Variants in CIB4 observed in about 807,000 individuals in gnomAD.
CIB4 encodes calcium and integrin-binding family member 4.
In CIB4, 25 loss-of-function variants were observed where a neutral mutation model predicts 25.8. The ratio of observed to expected loss-of-function variants is 0.97; its 90% CI spans 0.71 to 1.35. The LOEUF (loss-of-function observed/expected upper bound fraction) is 1.35, where lower values mean the gene tolerates loss of function less well. Ranked by LOEUF, CIB4 falls within the 40% of genes most tolerant of loss-of-function variation. The pLI is 0.00. For synonymous variants in CIB4, 75 were observed against 81.4 expected (o/e 0.92, Z 0.42); for missense variants, 235 against 228.2 (o/e 1.03, Z -0.19).
chr2:26,583,936 G>A (rs1485423940), intron 4 of CIB4, 38 bp from the exon 5 acceptor site: 1 of 1,363,886 alleles, frequency 7.3e-7, no homozygotes, highest in East Asian at 2.3e-5. Context: ...AGACGGAGCT[G>A]GGGGCTAAAC....
Position 26,583,864 on chromosome 2 carries a change from ATCC to A in CIB4, c.360_362del (p.Glu120del). The A allele has an allele frequency of 6.2e-7, 1 of 1,613,192 alleles. No homozygotes were observed. ...GCAGTCGCAGGATGATCCTCTGCAG[ATCC>A]TCCTCATCAATGAAGCCATTCTCAT... On this transcript the variant is annotated inframe_deletion, in exon 5 of 7. Coordinates refer to ENST00000288861, the MANE Select transcript of CIB4 (RefSeq NM_001029881.3).
At chr2:26,629,310 G>A (rs1394825965) in intron 3 of CIB4, 100 bp downstream of exon 3, 3 of 748,770 alleles carry the variant, frequency 4.0e-6, no homozygotes, top group Non-Finnish European at 6.9e-6. Context: ...CCATCCCACA[G>A]CACGGAGTGC....
chr2:26,621,949 C>T (rs1209197726), intron 3 of CIB4, among the ~76,000 whole-genome samples: 2 of 152,132 alleles, frequency 1.3e-5, no homozygotes, highest in African/African-American at 4.8e-5. Context: ...AGTACATAGA[C>T]AACTAAGCAA....
At chr2:26,641,165 C>T in intron 1 of CIB4, 96 bp downstream of exon 1, 1 of 1,056,704 alleles carries the variant, frequency 9.5e-7, no homozygotes, top group Non-Finnish European at 1.5e-6. Context: ...AAATTGGACA[C>T]CCCTGCTAGA....
In CIB4 at chr2:26,590,279, A is replaced by AAC. The variant is rs1668562801; in HGVS notation, c.328+4896_328+4897insGT. Among the ~76,000 whole-genome samples, 4 of 151,608 alleles carry AAC rather than the reference A, an allele frequency of 2.6e-5. No homozygotes were observed. In the South Asian group the frequency reaches 6.3e-4, roughly 24 times the overall value. ...TCTGTAAAAAAAAAAAAAAAAAAAA[A>AAC]AAAAACTCACAGGTGATTCAATGTA... On this transcript the variant is annotated intron_variant, in intron 4 of 6. Coordinates refer to ENST00000288861, the MANE Select transcript of CIB4 (RefSeq NM_001029881.3).
At chr2:26,634,546 T>A (rs1467207174) in intron 2 of CIB4, among the ~76,000 whole-genome samples, 1 of 152,088 alleles carries the variant, frequency 6.6e-6, no homozygotes, top group Non-Finnish European at 1.5e-5. Context: ...AACAACCTTG[T>A]GAGATTAGGT....
Position 26,595,217 on chromosome 2 carries a change from G to A in CIB4, c.287C>T (p.Ala96Val), listed in dbSNP as rs751122262. ...LGMASVFSEQ[A>V]CPSLKIEYAF... is the part of the protein sequence containing the mutation. ...ATACTCAATCTTCAGGCTTGGGCAG[G>A]CCTGCTCGCTGAACACAGATGCCAT... is the stretch of plus-strand genomic sequence containing the variant. The change falls in exon 4 of 7, where the codon GCC becomes GTC. Residue 96 changes from alanine (A) to valine (V), a missense_variant. Ala to Val is a moderately conservative substitution (Grantham distance 64). Transcript: ENST00000288861. The A allele has an allele frequency of 1.9e-6, 3 of 1,613,914 alleles. No homozygotes were observed. Among genetic ancestry groups the A allele is most frequent in the East Asian group, 4.5e-5 (2 of 44,886 alleles).
intron 3 of CIB4, among the ~76,000 whole-genome samples, chr2:26,613,552 T>C (rs1669036342): frequency 6.6e-6 from 1 of 152,178 alleles, no homozygotes. Context: ...TATTTTAGCA[T>C]TTCACCTCCA....
At chr2:26,582,761 A>G (rs1668371046) in intron 6 of CIB4, 64 bp downstream of exon 6, 3 of 959,432 alleles carry the variant, frequency 3.1e-6, no homozygotes, top group East Asian at 4.8e-5. Flanking sequence ...GTGAGGAGAG[A>G]CTGGGGGCCC....
chr2:26,620,914 C>T lies in CIB4; in HGVS notation c.186+8496G>A, dbSNP rs1448145269. 2.6e-5 allele frequency among the ~76,000 whole-genome samples: 4 copies of T among 151,940 alleles called. No individual in the cohort carries two copies. The East Asian group carries it at 7.7e-4, about 29-fold the overall frequency. On this transcript the variant is annotated intron_variant, in intron 3 of 6. Coordinates refer to ENST00000288861, the MANE Select transcript of CIB4 (RefSeq NM_001029881.3). ...ACGCATGATGGCAGAAGTGAAAAAC[C>T]CTATTAGAGTTGAAGATAAAGTGGA...
intron 1 of CIB4, 26 bp from the exon 2 acceptor site, chr2:26,640,593 G>T (rs774260198): frequency 4.4e-6 from 7 of 1,608,914 alleles, no homozygotes; most frequent in Non-Finnish European, 5.1e-6. Flanking sequence ...GAGAAGCGAC[G>T]TGTCCACTCC....
At chr2:26,600,071 C>CAAAA (rs34881604) in intron 3 of CIB4, among the ~76,000 whole-genome samples, 1 of 115,682 alleles carries the variant, frequency 8.6e-6, no homozygotes, top group African/African-American at 3.8e-5. Context: ...GACTCTGTCT[C>CAAAA]AAAAAAAAAA....
chr2:26,583,226 G>C (rs1457442381), intron 5 of CIB4, among the ~76,000 whole-genome samples: 1 of 152,214 alleles, frequency 6.6e-6, no homozygotes, highest in Non-Finnish European at 1.5e-5. Context: ...GGCAGGCAGG[G>C]AGGCGGTGGT....
intron 3 of CIB4, among the ~76,000 whole-genome samples, chr2:26,597,683 G>T (rs1668706178): frequency 1.3e-5 from 2 of 152,220 alleles, no homozygotes; most frequent in African/African-American, 4.8e-5. Flanking sequence ...TATCAGATTA[G>T]TATAGTAGTA....
intron 4 of CIB4, among the ~76,000 whole-genome samples, chr2:26,594,845 G>A (rs973956334): frequency 1.3e-5 from 2 of 152,020 alleles, no homozygotes; most frequent in South Asian, 2.1e-4. Flanking sequence ...CCCATCCAAC[G>A]CTCCTTCTGC....
chr2:26,602,170 G>C (rs1362694891), intron 3 of CIB4, among the ~76,000 whole-genome samples: 1 of 152,162 alleles, frequency 6.6e-6, no homozygotes, highest in Non-Finnish European at 1.5e-5. Flanking sequence ...TGGAATACAG[G>C]TCATGGCAAA....
At chr2:26,639,511 A>T (rs1255570796) in intron 2 of CIB4, among the ~76,000 whole-genome samples, 2 of 151,974 alleles carry the variant, frequency 1.3e-5, no homozygotes, top group Admixed American at 1.3e-4. Context: ...TATTCATGTG[A>T]TACTTTTCAG....
At position 26,627,308 on chromosome 2, in the gene CIB4, G is replaced by T. The variant is rs1669328967; in HGVS notation, c.186+2102C>A. Among the ~76,000 whole-genome samples the T allele has an allele frequency of 6.6e-6, 1 of 152,210 alleles. No homozygotes were observed. The highest frequency in any genetic ancestry group is 2.4e-5 in the African/African-American group (1 of 41,450). ...ACTAGTCCAGACTCTTCCATCATGT[G>T]GCCCCTTGGAAGTTGTTTCCCTCTT... On this transcript the variant is annotated intron_variant, in intron 3 of 6. Coordinates refer to ENST00000288861, the MANE Select transcript of CIB4 (RefSeq NM_001029881.3). This position sits in a 1 kb window ranked among gnomAD's most constrained non-coding sequence, Gnocchi z 4.0.
intron 4 of CIB4, among the ~76,000 whole-genome samples, chr2:26,594,176 A>G (rs1668637183): frequency 6.6e-6 from 1 of 152,214 alleles, no homozygotes; most frequent in Non-Finnish European, 1.5e-5. Flanking sequence ...GCCATCAGCT[A>G]GTTGATTTTT....
Sources: allele counts gnomAD v4.1 joint callset (sites outside exome capture counted in the v4.1 genomes callset), GRCh38; gene constraint gnomAD v4.1.1; non-coding constraint Gnocchi (gnomAD v3.1); transcripts MANE v1.5; gene names NCBI Gene and HGNC (gene_info 2026-07-23, HGNC 2026-07-21).